UCK2: variants seen among roughly 807,000 people sequenced by gnomAD.
UCK2 encodes cytidine monophosphokinase 2.
A neutral mutation model predicts 30.8 loss-of-function variants in UCK2; 6 were observed. That is an observed-to-expected ratio of 0.19 (90% confidence interval 0.11 to 0.38). The LOEUF is 0.38. UCK2 is among the 10% of genes least tolerant of loss of function. The pLI is 1.00. For missense variants in UCK2, 210 were observed against 339.8 expected, an observed-to-expected ratio of 0.62 and a Z score of 3.00; for synonymous variants, 125 against 133.6, an observed-to-expected ratio of 0.94 and a Z score of 0.45.
chr1:165,858,883 C>T (rs547498281), intron 1 of UCK2, among the ~76,000 whole-genome samples: 1 of 152,206 alleles, frequency 6.6e-6, no homozygotes, highest in East Asian at 1.9e-4. Context: ...GGGAGCGGGT[C>T]CTGTTTTATA....
chr1:165,891,050 G>T, intron 2 of UCK2, 176 bp from the exon 3 acceptor site: 1 of 590,392 alleles, frequency 1.7e-6, no homozygotes, highest in Non-Finnish European at 3.1e-6. Flanking sequence ...ACCCTATTTT[G>T]AGATACAGGG....
intron 1 of UCK2, among the ~76,000 whole-genome samples, chr1:165,882,087 C>T (rs771210550): frequency 3.9e-5 from 6 of 152,114 alleles, no homozygotes; most frequent in East Asian, 1.9e-4. Context: ...ACTTTCTCTA[C>T]GGAGAGCTTG....
chr1:165,873,610 C>T (rs1276741750), intron 1 of UCK2, among the ~76,000 whole-genome samples: 1 of 152,140 alleles, frequency 6.6e-6, no homozygotes, highest in Admixed American at 6.6e-5. Flanking sequence ...GTTGGGCTGT[C>T]GTAGTTCATC....
chr1:165,837,630 T>C (rs964941395), intron 1 of UCK2, among the ~76,000 whole-genome samples: 1 of 152,196 alleles, frequency 6.6e-6, no homozygotes, highest in Admixed American at 6.5e-5. Flanking sequence ...CCCTGTGTGG[T>C]CCTTGCTTGT....
At chr1:165,904,517 G>A (rs1647586373) in intron 5 of UCK2, among the ~76,000 whole-genome samples, 2 of 152,174 alleles carry the variant, frequency 1.3e-5, no homozygotes, top group South Asian at 4.1e-4. Flanking sequence ...TTTATTATTG[G>A]ATATCAGTCA....
chr1:165,905,493 A>G (rs894877385), intron 5 of UCK2, among the ~76,000 whole-genome samples: 11 of 151,010 alleles, frequency 7.3e-5, no homozygotes, highest in Admixed American at 1.3e-4. Flanking sequence ...TAAAAAAAAA[A>G]GAGAGAGTGA....
intron 1 of UCK2, among the ~76,000 whole-genome samples, chr1:165,867,218 G>A (rs1423106373): frequency 6.6e-6 from 1 of 152,226 alleles, no homozygotes; most frequent in Admixed American, 6.5e-5. Context: ...GGTCATCTGA[G>A]CCTTCAGCAA....
At chr1:165,898,630 G>A (rs1010044197) in intron 4 of UCK2, among the ~76,000 whole-genome samples, 2 of 152,238 alleles carry the variant, frequency 1.3e-5, no homozygotes, top group Non-Finnish European at 2.9e-5. Flanking sequence ...AACCAGCACA[G>A]GAGATTAGAA....
In UCK2 at chr1:165,909,558, C is replaced by G. The variant is rs1246019248; in HGVS notation, c.*1735C>G. 6.6e-6 allele frequency: 1 copy of G among 152,202 alleles called. No individual in the cohort carries two copies. The highest frequency in any genetic ancestry group is 1.5e-5 in the Non-Finnish European group (1 of 68,046). 9.4% of individuals were successfully genotyped at this position (152,202 alleles called of 1,614,324 possible). A position where few individuals can be genotyped will look rare whatever the true frequency, so the allele number is the denominator to read the frequency against. ...TGTTTTGCTATTTTAAAAAGTCAAA[C>G]CTGGTCCCCAGCAGAGCTTGCCACC... On this transcript the variant is annotated 3_prime_UTR_variant, in exon 7 of 7. Coordinates refer to ENST00000367879, the MANE Select transcript of UCK2 (RefSeq NM_012474.5).
chr1:165,906,727 G>A (rs372310887), intron 6 of UCK2, among the ~76,000 whole-genome samples: 44 of 152,308 alleles, frequency 2.9e-4, no homozygotes, highest in African/African-American at 9.9e-4. Flanking sequence ...TGGACTAGGC[G>A]TAGTGTGGCA....
chr1:165,906,056 G>C lies in UCK2; in HGVS notation c.646+87G>C, dbSNP rs547818263. The C allele has an allele frequency of 4.6e-5, 60 of 1,291,816 alleles. 1 individual carries two copies. In the South Asian group the frequency reaches 7.3e-4, roughly 16 times the overall value. The allele number at this position is 1,291,816 out of a possible 1,614,324, so 80.0% of individuals were successfully genotyped here. The stretch of plus-strand genomic sequence containing the variant: ...GGGCAGGATGTGGTGACCCTACAGG[G>C]CTCTGCAGACATGGCTGCCCTGCTT... On this transcript the variant is annotated intron_variant, in intron 6 of 6. Coordinates refer to ENST00000367879, the MANE Select transcript of UCK2 (RefSeq NM_012474.5).
At chr1:165,859,150 G>A (rs1210642920) in intron 1 of UCK2, among the ~76,000 whole-genome samples, 1 of 152,042 alleles carries the variant, frequency 6.6e-6, no homozygotes, top group Non-Finnish European at 1.5e-5. Flanking sequence ...TTTTCCAAGT[G>A]TACTTTGAAC....
At chr1:165,893,796 G>A (rs991067285) in intron 3 of UCK2, among the ~76,000 whole-genome samples, 15 of 152,264 alleles carry the variant, frequency 9.9e-5, no homozygotes, top group Non-Finnish European at 1.5e-4. Context: ...TTAGACCTGC[G>A]TTTGGACTTG....
At chr1:165,848,658 A>AC (rs1187371771) in intron 1 of UCK2, among the ~76,000 whole-genome samples, 2 of 150,702 alleles carry the variant, frequency 1.3e-5, no homozygotes, top group African/African-American at 2.5e-5. Context: ...ACACACACAC[A>AC]CCCACACACA....
intron 1 of UCK2, among the ~76,000 whole-genome samples, chr1:165,859,766 G>A (rs1187611931): frequency 1.3e-5 from 2 of 152,144 alleles, no homozygotes; most frequent in African/African-American, 4.8e-5. Flanking sequence ...AATCACTTGA[G>A]CCCAGGAGTT....
At chr1:165,903,130 G>T in intron 4 of UCK2, 52 bp from the exon 5 acceptor site, 1 of 1,446,288 alleles carries the variant, frequency 6.9e-7, no homozygotes, top group Non-Finnish European at 9.6e-7. Flanking sequence ...AAGGGCGGGT[G>T]TGTGCTGGCT....
At chr1:165,880,911 C>T (rs1334588608) in intron 1 of UCK2, among the ~76,000 whole-genome samples, 1 of 151,964 alleles carries the variant, frequency 6.6e-6, no homozygotes, top group East Asian at 1.9e-4. Flanking sequence ...GTGGCTCATG[C>T]CTGTAATCCC....
chr1:165,839,241 A>G (rs1654268742), intron 1 of UCK2, among the ~76,000 whole-genome samples: 1 of 152,156 alleles, frequency 6.6e-6, no homozygotes, highest in Admixed American at 6.5e-5. Context: ...AGAGAAAGTA[A>G]ACATTTGAGA....
chr1:165,902,784 A>G (rs1484703497), intron 4 of UCK2: 1 of 166,814 alleles, frequency 6.0e-6, no homozygotes, highest in Non-Finnish European at 1.3e-5. Context: ...AAGTGCATGC[A>G]AGGAGGCAGC....
Sources: gnomAD v4.1 joint callset for allele counts (sites outside exome capture counted in the v4.1 genomes callset) on GRCh38, gnomAD v4.1.1 for gene constraint, MANE v1.5 for transcripts, NCBI Gene and HGNC (gene_info 2026-07-23, HGNC 2026-07-21) for gene names.